Variants in CXCL13 observed in about 807,000 individuals in gnomAD.
CXCL13 encodes the protein C-X-C motif chemokine 13.
A neutral mutation model predicts 12.2 loss-of-function variants in CXCL13; 7 were observed. The observed-to-expected ratio is 0.57, with a 90% confidence interval of 0.33 to 1.07. The LOEUF (loss-of-function observed/expected upper bound fraction) is 1.07. CXCL13 is among the 50% of genes least tolerant of loss of function. The pLI is 0.04. For missense variants in CXCL13, 113 were observed against 127.4 expected (o/e 0.89, Z 0.55); for synonymous variants, 47 against 42.4 (o/e 1.11, Z -0.42).
intron 1 of CXCL13, among the ~76,000 whole-genome samples, chr4:77,592,850 A>G (rs1726648585): frequency 6.6e-6 from 1 of 152,184 alleles, no homozygotes. Flanking sequence ...CAGATTTCAT[A>G]GTGGAAATGG....
intron 1 of CXCL13, among the ~76,000 whole-genome samples, chr4:77,543,077 T>C (rs1725247655): frequency 6.6e-6 from 1 of 152,156 alleles, no homozygotes; most frequent in South Asian, 2.1e-4. Flanking sequence ...AATTTCTGCC[T>C]GATTCAATCT....
rs1030650501 is a variant in CXCL13 at position 77,514,808 on chromosome 4, T to G, written c.-43+3020T>G. ...TTTGCTGTGCAGAAGCTCTTTAGTTTAATTAGATCCCATTTGTCAATTTTG... is the reference window on the plus strand; with the variant it reads ...TTTGCTGTGCAGAAGCTCTTTAGTTGAATTAGATCCCATTTGTCAATTTTG... On this transcript the variant is annotated intron_variant, in intron 1 of 4. Coordinates refer to the CXCL13 transcript ENST00000286758. Among the ~76,000 whole-genome samples the G allele has an allele frequency of 5.3e-5, 8 of 152,248 alleles. No individual in the cohort carries two copies. In the East Asian group the frequency reaches 9.6e-4, roughly 18 times the overall value.
At chr4:77,530,176 G>T (rs1174586594) in intron 1 of CXCL13, among the ~76,000 whole-genome samples, 1 of 152,158 alleles carries the variant, frequency 6.6e-6, no homozygotes, top group African/African-American at 2.4e-5. Context: ...GATTCAGTTT[G>T]CCAGTATTTT....
upstream of CXCL13, among the ~76,000 whole-genome samples, chr4:77,605,421 G>T (rs535262659): frequency 1.3e-5 from 2 of 152,270 alleles, no homozygotes; most frequent in East Asian, 3.9e-4. Context: ...TGCTAGGGAC[G>T]TGATGCGCTC....
intron 1 of CXCL13, among the ~76,000 whole-genome samples, chr4:77,527,642 A>AG (rs1432814374): frequency 1.3e-5 from 2 of 152,090 alleles, no homozygotes; most frequent in Non-Finnish European, 2.9e-5. Flanking sequence ...AGATAAAAAA[A>AG]AAAGAAAGAA....
intron 1 of CXCL13, among the ~76,000 whole-genome samples, chr4:77,555,722 T>A (rs1725641829): frequency 6.6e-6 from 1 of 152,116 alleles, no homozygotes; most frequent in African/African-American, 2.4e-5. Context: ...GTTGTTTGTG[T>A]TACTTTTATC....
chr4:77,515,779 C>T (rs991907548), intron 1 of CXCL13, among the ~76,000 whole-genome samples: 16 of 152,184 alleles, frequency 1.1e-4, no homozygotes, highest in Non-Finnish European at 8.8e-5. Flanking sequence ...TTCCTCTTTT[C>T]CTAACTGAAT....
rs188084311 is a variant in CXCL13, at chr4:77,571,060, G to A, written c.-42-34764G>A. Among the ~76,000 whole-genome samples the A allele has an allele frequency of 6.4e-3, 979 of 152,114 alleles. 34 individuals carry two copies. Among genetic ancestry groups the A allele is most frequent in the African/African-American group, 0.021 (869 of 41,360 alleles). On this transcript the variant is annotated intron_variant, in intron 1 of 4. Coordinates refer to the CXCL13 transcript ENST00000286758. ...CCTGAGGAGTGTGAGCGCATGGCGC[G>A]GGACTGGCAGGCAGCTCCATCTGCA... is the stretch of plus-strand genomic sequence containing the variant.
chr4:77,522,514 C>CT (rs777857811), intron 1 of CXCL13, among the ~76,000 whole-genome samples: 206 of 10,074 alleles, frequency 0.02, 39 homozygotes, highest in Non-Finnish European at 0.028. Context: ...GCAACCCCTG[C>CT]TTTTTTTTTT....
intron 1 of CXCL13, among the ~76,000 whole-genome samples, chr4:77,512,934 C>G (rs752726260): frequency 2.0e-5 from 3 of 152,096 alleles, no homozygotes; most frequent in Non-Finnish European, 4.4e-5. Flanking sequence ...ACCACTCCCC[C>G]AACCCCACGA....
At chr4:77,535,396 A>C in intron 1 of CXCL13, among the ~76,000 whole-genome samples, 1 of 152,128 alleles carries the variant, frequency 6.6e-6, no homozygotes, top group South Asian at 2.1e-4. Flanking sequence ...TTAGTCCTCA[A>C]ATCTCAATCT....
chr4:77,572,842 C>T (rs1044780208), intron 1 of CXCL13, among the ~76,000 whole-genome samples: 1 of 151,832 alleles, frequency 6.6e-6, no homozygotes, highest in African/African-American at 2.4e-5. Flanking sequence ...CCTAAATGCT[C>T]ATCAGTGGTA....
At chr4:77,522,432 A>G (rs974143260) in intron 1 of CXCL13, among the ~76,000 whole-genome samples, 1 of 146,906 alleles carries the variant, frequency 6.8e-6, no homozygotes, top group African/African-American at 2.5e-5. Flanking sequence ...TCCCTTATCC[A>G]TTATGTAATG....
At chr4:77,529,836 G>A (rs1038655981) in intron 1 of CXCL13, among the ~76,000 whole-genome samples, 3 of 152,124 alleles carry the variant, frequency 2.0e-5, no homozygotes, top group Admixed American at 6.5e-5. Flanking sequence ...GTGAGAGAGG[G>A]CATCCCTGTC....
At chr4:77,545,454 G>T (rs761073278) in intron 1 of CXCL13, among the ~76,000 whole-genome samples, 1 of 152,030 alleles carries the variant, frequency 6.6e-6, no homozygotes, top group Non-Finnish European at 1.5e-5. Flanking sequence ...CCTTGAAGAG[G>T]TCCTTCACAT....
chr4:77,546,042 GA>G lies in CXCL13; in HGVS notation c.-43+34255del, dbSNP rs1725353964. Among the ~76,000 whole-genome samples, 5 of 152,220 alleles carry G rather than the reference GA, an allele frequency of 3.3e-5. No individual in the cohort carries two copies. In the South Asian group the frequency reaches 1.0e-3, roughly 32 times the overall value. On this transcript the variant is annotated intron_variant, in intron 1 of 4. Transcript: ENST00000286758. ...TGTCATTGGTTCTGTTTATATGATG[GA>G]TTACATTTATTGATTTGCATATGTT...
intron 1 of CXCL13, among the ~76,000 whole-genome samples, chr4:77,521,370 A>G (rs573181757): frequency 3.0e-4 from 46 of 152,212 alleles, no homozygotes; most frequent in African/African-American, 1.1e-3. Flanking sequence ...TTGGTAGGCT[A>G]TTAATTATTG....
intron 1 of CXCL13, among the ~76,000 whole-genome samples, chr4:77,528,244 T>A (rs1232648355): frequency 6.6e-6 from 1 of 152,226 alleles, no homozygotes; most frequent in Non-Finnish European, 1.5e-5. Context: ...AACATATGTG[T>A]GCATGTGTCT....
chr4:77,544,720 T>C (rs1458073261), intron 1 of CXCL13, among the ~76,000 whole-genome samples: 1 of 152,254 alleles, frequency 6.6e-6, no homozygotes, highest in Non-Finnish European at 1.5e-5. Flanking sequence ...GATGGTAGTT[T>C]CTTTTGCTGT....
Sources: allele counts gnomAD v4.1 joint callset (sites outside exome capture counted in the v4.1 genomes callset), GRCh38; gene constraint gnomAD v4.1.1; transcripts MANE v1.5; gene names NCBI Gene and HGNC (gene_info 2026-07-23, HGNC 2026-07-21).